Variants in WNT9A observed in about 807,000 individuals in gnomAD.
WNT9A encodes the protein protein Wnt-9a.
Under a neutral mutation model 31.4 loss-of-function variants are expected in WNT9A, and 8 were observed. That is an observed-to-expected ratio of 0.26 (90% confidence interval 0.15 to 0.46). The LOEUF is 0.46. WNT9A is among the 20% of genes least tolerant of loss of function. WNT9A has a pLI of 0.99. For missense variants in WNT9A, 457 were observed against 522.9 expected (o/e 0.87, Z 1.23); for synonymous variants, 236 against 220.1 (o/e 1.07, Z -0.64).
At chr1:227,939,307 C>G (rs951875453) in intron 1 of WNT9A, among the ~76,000 whole-genome samples, 1 of 152,154 alleles carries the variant, frequency 6.6e-6, no homozygotes, top group African/African-American at 2.4e-5. Flanking sequence ...TCAGCACTGA[C>G]CCCTGCAGAA....
rs1264838770 is a variant in WNT9A, at chr1:227,925,632, G to A, written c.96-113C>T. 2 of 1,403,154 alleles carry A rather than the reference G, an allele frequency of 1.4e-6. No homozygotes were observed. Among genetic ancestry groups the A allele is most frequent in the East Asian group, 2.6e-5 (1 of 38,524 alleles). 86.9% of individuals were successfully genotyped at this position (1,403,154 alleles called of 1,614,324 possible). A position where few individuals can be genotyped will look rare whatever the true frequency, so the allele number is the denominator to read the frequency against. Reference sequence around the variant, plus strand: ...CAGGCGTGTCCATCCGGGGGTGAGGGGGCAGAAAGAATCCAGGATGAGCCA... The same window carrying A: ...CAGGCGTGTCCATCCGGGGGTGAGGAGGCAGAAAGAATCCAGGATGAGCCA... On this transcript the variant is annotated intron_variant, in intron 1 of 3. Coordinates refer to ENST00000272164, the MANE Select transcript of WNT9A (RefSeq NM_003395.4). The surrounding 1 kb of genome is among the most constrained non-coding windows in gnomAD (Gnocchi z 6.0).
intron 1 of WNT9A, among the ~76,000 whole-genome samples, chr1:227,945,461 T>G (rs975079661): frequency 2.6e-5 from 4 of 152,092 alleles, no homozygotes; most frequent in Non-Finnish European, 5.9e-5. Flanking sequence ...CAGGGTTGGG[T>G]TGCAGCTCAG....
At chr1:227,939,295 G>A (rs1666653722) in intron 1 of WNT9A, among the ~76,000 whole-genome samples, 1 of 152,192 alleles carries the variant, frequency 6.6e-6, no homozygotes, top group Non-Finnish European at 1.5e-5. Context: ...TGGCCGCGGT[G>A]GTCAGCACTG....
At chr1:227,935,673 T>C (rs1346352848) in intron 1 of WNT9A, among the ~76,000 whole-genome samples, 2 of 150,962 alleles carry the variant, frequency 1.3e-5, no homozygotes, top group Admixed American at 1.3e-4. Context: ...TTTACCCTCT[T>C]GTCTCATCCT....
At chr1:227,932,323 A>G (rs2102723820) in intron 1 of WNT9A, among the ~76,000 whole-genome samples, 1 of 152,296 alleles carries the variant, frequency 6.6e-6, no homozygotes, top group South Asian at 2.1e-4. Flanking sequence ...ATCCATTCAC[A>G]TTTTATCATG....
chr1:227,942,199 G>A lies in WNT9A; in HGVS notation c.95+5594C>T, dbSNP rs1036836649. Among the ~76,000 whole-genome samples the A allele has an allele frequency of 9.9e-5, 15 of 152,244 alleles. No homozygotes were observed. The highest frequency in any genetic ancestry group is 2.1e-4 in the South Asian group (1 of 4,818). Reference sequence around the variant, plus strand: ...CTGTCTCCCCAACCAGACGTCCGCCGGCTGTGGACAGGACATCTGCTCCCT... The same window carrying A: ...CTGTCTCCCCAACCAGACGTCCGCCAGCTGTGGACAGGACATCTGCTCCCT... On this transcript the variant is annotated intron_variant, in intron 1 of 3. Transcript: ENST00000272164. The surrounding 1 kb of genome is among the most constrained non-coding windows in gnomAD (Gnocchi z 5.7).
Position 227,925,214 on chromosome 1 carries a change from G to T in WNT9A, c.352+49C>A. 6.8e-7 allele frequency: 1 copy of T among 1,478,784 alleles called. No homozygotes were observed. The highest frequency in any genetic ancestry group is 9.0e-7 in the Non-Finnish European group (1 of 1,112,658). The allele number at this position is 1,478,784 out of a possible 1,614,324, so 91.6% of individuals were successfully genotyped here. ...CTCTTGGGATATGGACAAGGCCTGGGCTGCCACCTGTCTGGGGCCTTCCTG... is the reference window on the plus strand; with the variant it reads ...CTCTTGGGATATGGACAAGGCCTGGTCTGCCACCTGTCTGGGGCCTTCCTG... On this transcript the variant is annotated intron_variant, in intron 2 of 3. Transcript: ENST00000272164. The surrounding 1 kb of genome is among the most constrained non-coding windows in gnomAD (Gnocchi z 6.0).
At chr1:227,938,803 T>C (rs1666643753) in intron 1 of WNT9A, among the ~76,000 whole-genome samples, 4 of 152,232 alleles carry the variant, frequency 2.6e-5, no homozygotes, top group Admixed American at 2.6e-4. Flanking sequence ...CATGTCTTCA[T>C]GTCCTAAACT....
At chr1:227,947,693 C>G (rs1272486595) in intron 1 of WNT9A, 100 bp downstream of exon 1, 1 of 692,242 alleles carries the variant, frequency 1.4e-6, no homozygotes, top group Non-Finnish European at 1.8e-6. Flanking sequence ...CGCCGCGCCC[C>G]GGCCCCAGCC....
At chr1:227,944,970 G>A (rs1211177239) in intron 1 of WNT9A, among the ~76,000 whole-genome samples, 1 of 152,194 alleles carries the variant, frequency 6.6e-6, no homozygotes, top group Non-Finnish European at 1.5e-5. Flanking sequence ...AGCAGCCAGG[G>A]GTGGGGGTCC....
At chr1:227,943,967 C>A (rs1666754465) in intron 1 of WNT9A, among the ~76,000 whole-genome samples, 3 of 152,092 alleles carry the variant, frequency 2.0e-5, no homozygotes, top group Non-Finnish European at 4.4e-5. Flanking sequence ...GGTGACAGAG[C>A]AAGACTCTGT....
At chr1:227,947,696 C>A in intron 1 of WNT9A, 97 bp downstream of exon 1, 9 of 718,412 alleles carry the variant, frequency 1.3e-5, no homozygotes, top group Non-Finnish European at 1.6e-5. Flanking sequence ...CGCGCCCCGG[C>A]CCCAGCCACC....
chr1:227,938,491 A>C (rs1193828096), intron 1 of WNT9A, among the ~76,000 whole-genome samples: 1 of 151,596 alleles, frequency 6.6e-6, no homozygotes, highest in African/African-American at 2.4e-5. Context: ...GAACACACCC[A>C]CACACACAGA....
At chr1:227,929,367 G>T (rs957736614) in intron 1 of WNT9A, among the ~76,000 whole-genome samples, 1 of 152,212 alleles carries the variant, frequency 6.6e-6, no homozygotes, top group Non-Finnish European at 1.5e-5. Flanking sequence ...ACTCTTCCAC[G>T]GCTGGAATTC....
Position 227,926,143 on chromosome 1 carries a change from C to T in WNT9A, c.96-624G>A, listed in dbSNP as rs1666417923. On this transcript the variant is annotated intron_variant, in intron 1 of 3. Transcript: ENST00000272164. This position sits in a 1 kb window ranked among gnomAD's most constrained non-coding sequence, Gnocchi z 5.0. The stretch of plus-strand genomic sequence containing the variant: ...TGGGAAGCAGCTCTTGGTTCTCTGA[C>T]ACTCTACCCCTCTCACCTCACCAAA... 6.6e-6 allele frequency among the ~76,000 whole-genome samples: 1 copy of T among 152,108 alleles called. No homozygotes were observed. The highest frequency in any genetic ancestry group is 1.5e-5 in the Non-Finnish European group (1 of 68,000).
chr1:227,943,982 A>G (rs565159590), intron 1 of WNT9A, among the ~76,000 whole-genome samples: 2 of 152,236 alleles, frequency 1.3e-5, no homozygotes, highest in African/African-American at 2.4e-5. Context: ...CTCTGTCTCA[A>G]TAAAACAAAA....
intron 3 of WNT9A, among the ~76,000 whole-genome samples, chr1:227,922,231 C>T (rs564339180): frequency 6.6e-5 from 10 of 152,304 alleles, no homozygotes; most frequent in African/African-American, 2.4e-4. Context: ...AGGGCCGGCA[C>T]CTCAGCCCCT....
At chr1:227,945,778 C>T (rs1666784594) in intron 1 of WNT9A, among the ~76,000 whole-genome samples, 1 of 152,118 alleles carries the variant, frequency 6.6e-6, no homozygotes, top group Non-Finnish European at 1.5e-5. Context: ...GGCCTCCGCA[C>T]AACCCAGCCT....
In WNT9A at chr1:227,919,212, A is replaced by C. The variant is rs1194982159; in HGVS notation, c.*2306T>G. 1 of 152,220 alleles carries C rather than the reference A, an allele frequency of 6.6e-6. No homozygotes were observed. Among genetic ancestry groups the C allele is most frequent in the African/African-American group, 2.4e-5 (1 of 41,456 alleles). The allele number at this position is 152,220 out of a possible 1,614,324, so 9.4% of individuals were successfully genotyped here. On this transcript the variant is annotated 3_prime_UTR_variant, in exon 4 of 4. Transcript: ENST00000272164. Reference sequence around the variant, plus strand: ...GACTGAGTGACAGTCTTGTCATGTCATGAGGGTGTGGCCAGCTATGCTGCT... The same window carrying C: ...GACTGAGTGACAGTCTTGTCATGTCCTGAGGGTGTGGCCAGCTATGCTGCT...
Sources: allele counts gnomAD v4.1 joint callset (sites outside exome capture counted in the v4.1 genomes callset), GRCh38; gene constraint gnomAD v4.1.1; non-coding constraint Gnocchi (gnomAD v3.1); transcripts MANE v1.5; gene names NCBI Gene and HGNC (gene_info 2026-07-23, HGNC 2026-07-21).